Variants in PTPRM observed in about 807,000 individuals in gnomAD.
The protein encoded by PTPRM is receptor-type tyrosine-protein phosphatase mu.
PTPRM carries 47 observed loss-of-function variants against 186.7 expected under a neutral mutation model. That is an observed-to-expected ratio of 0.25 (90% confidence interval 0.20 to 0.32). The LOEUF (loss-of-function observed/expected upper bound fraction) is 0.32, where lower values mean the gene tolerates loss of function less well. Ranked by LOEUF, PTPRM falls within the 10% of genes least tolerant of loss-of-function variation. PTPRM has a pLI of 1.00. For missense variants in PTPRM, 1,494 were observed against 1,865.0 expected (o/e 0.80, Z 3.66); for synonymous variants, 668 against 674.9 (o/e 0.99, Z 0.16).
intron 1 of PTPRM, among the ~76,000 whole-genome samples, chr18:7,729,463 T>G (rs533115827): frequency 1.4e-3 from 215 of 152,292 alleles, no homozygotes; most frequent in Non-Finnish European, 2.6e-3. Context: ...CCTGGCTCTT[T>G]TAATTTTCTG....
chr18:7,926,529 C>A (rs372955736), intron 4 of PTPRM, 39 bp from the exon 5 acceptor site: 4 of 1,501,548 alleles, frequency 2.7e-6, no homozygotes, highest in Non-Finnish European at 2.7e-6. Flanking sequence ...AGTTACAAAT[C>A]TCCACTTTTA....
At chr18:8,124,977 G>A (rs1472126825) in intron 13 of PTPRM, among the ~76,000 whole-genome samples, 1 of 152,052 alleles carries the variant, frequency 6.6e-6, no homozygotes, top group Non-Finnish European at 1.5e-5. Context: ...CTGGTACGTG[G>A]TGCTTGCTGG....
intron 31 of PTPRM, among the ~76,000 whole-genome samples, chr18:8,390,700 G>A (rs768854474): frequency 5.1e-4 from 78 of 152,112 alleles, no homozygotes; most frequent in Non-Finnish European, 1.0e-3. Flanking sequence ...AGGCTGAGGC[G>A]GGTGGATCAC....
At chr18:8,375,664 C>T (rs997727998) in intron 24 of PTPRM, among the ~76,000 whole-genome samples, 1 of 152,186 alleles carries the variant, frequency 6.6e-6, no homozygotes, top group African/African-American at 2.4e-5. Flanking sequence ...CTTCAGGCCC[C>T]TCTTCTGTGC....
chr18:8,012,364 C>G (rs1339062687), intron 7 of PTPRM, among the ~76,000 whole-genome samples: 2 of 152,186 alleles, frequency 1.3e-5, no homozygotes, highest in Admixed American at 1.3e-4. Context: ...AGATTTTCTC[C>G]AGAATGGTAA....
At chr18:7,661,686 A>G (rs1333300183) in intron 1 of PTPRM, among the ~76,000 whole-genome samples, 1 of 152,192 alleles carries the variant, frequency 6.6e-6, no homozygotes, top group Non-Finnish European at 1.5e-5. Flanking sequence ...TTCTGCTACA[A>G]ACATGCAACT....
intron 7 of PTPRM, among the ~76,000 whole-genome samples, chr18:8,014,651 T>C (rs1450517853): frequency 2.6e-5 from 4 of 152,210 alleles, no homozygotes; most frequent in Non-Finnish European, 4.4e-5. Context: ...GAAATTGTGT[T>C]CTGTCTGAAA....
intron 14 of PTPRM, among the ~76,000 whole-genome samples, chr18:8,208,585 C>T: frequency 6.6e-6 from 1 of 151,812 alleles, no homozygotes; most frequent in East Asian, 1.9e-4. Flanking sequence ...CATCATAGTT[C>T]ACTGCAGTCT....
chr18:8,196,996 G>A (rs185092852), intron 14 of PTPRM, among the ~76,000 whole-genome samples: 15 of 152,314 alleles, frequency 9.8e-5, no homozygotes, highest in Admixed American at 3.9e-4. Flanking sequence ...CCAATTGGGA[G>A]TGTATTATGT....
intron 4 of PTPRM, among the ~76,000 whole-genome samples, chr18:7,923,743 G>A (rs2051006665): frequency 1.3e-5 from 2 of 152,154 alleles, no homozygotes; most frequent in Non-Finnish European, 2.9e-5. Context: ...CCTTACAGGG[G>A]AGTTAATGGC....
At chr18:8,356,971 G>C (rs866365921) in intron 23 of PTPRM, among the ~76,000 whole-genome samples, 5 of 152,194 alleles carry the variant, frequency 3.3e-5, no homozygotes, top group African/African-American at 1.2e-4. Flanking sequence ...ACATTTTGGT[G>C]ACGGGATCCA....
rs1370933558 is a variant in PTPRM at position 7,842,945 on chromosome 18, TATAG to T, written c.197-45159_197-45156del. 5.1e-3 allele frequency among the ~76,000 whole-genome samples: 589 copies of T among 115,088 alleles called. 5 individuals are homozygous for T. The highest frequency in any genetic ancestry group is 6.6e-3 in the Non-Finnish European group (395 of 59,460). 75.5% of individuals were successfully genotyped at this position (115,088 alleles called of 152,430 possible). A position where few individuals can be genotyped will look rare whatever the true frequency, so the allele number is the denominator to read the frequency against. On this transcript the variant is annotated intron_variant, in intron 2 of 32. Transcript: ENST00000580170. ...GTGTGTGTGTGTATATATATATATATATAGAGAGAGAGAGAGAGAGAGAGAGAGA... is the reference window on the plus strand; with the variant it reads ...GTGTGTGTGTGTATATATATATATATAGAGAGAGAGAGAGAGAGAGAGAGA...
At position 8,238,894 on chromosome 18, in the gene PTPRM, T is replaced by C. The variant is rs2094382687; in HGVS notation, c.2301-5164T>C. Reference sequence around the variant, plus strand: ...GTTAGTTGGGATAGGATGGCTAACGTGGGATGGAGTTGTATTTCTTCCCCC... The same window carrying C: ...GTTAGTTGGGATAGGATGGCTAACGCGGGATGGAGTTGTATTTCTTCCCCC... On this transcript the variant is annotated intron_variant, in intron 14 of 32. Coordinates refer to ENST00000580170, the MANE Select transcript of PTPRM (RefSeq NM_001105244.2). 2.0e-5 allele frequency among the ~76,000 whole-genome samples: 3 copies of C among 151,724 alleles called. 1 individual carries two copies. The highest frequency in any genetic ancestry group is 7.2e-5 in the African/African-American group (3 of 41,426).
chr18:8,358,768 C>T (rs918621866), intron 23 of PTPRM, among the ~76,000 whole-genome samples: 2 of 152,120 alleles, frequency 1.3e-5, no homozygotes, highest in Admixed American at 6.5e-5. Context: ...AGCAGAACCC[C>T]GAAAGGCTGG....
chr18:8,385,864 C>T (rs770143958), intron 30 of PTPRM, among the ~76,000 whole-genome samples: 3 of 152,042 alleles, frequency 2.0e-5, no homozygotes, highest in African/African-American at 7.2e-5. Flanking sequence ...TAATAATCCC[C>T]GTGAGAAATG....
intron 1 of PTPRM, among the ~76,000 whole-genome samples, chr18:7,772,378 T>G (rs926684660): frequency 1.7e-3 from 232 of 137,240 alleles, no homozygotes; most frequent in Middle Eastern, 3.6e-3. Context: ...TTTCTTTCTT[T>G]CTTTCTTTCT....
intron 23 of PTPRM, among the ~76,000 whole-genome samples, chr18:8,349,211 C>G (rs1404993267): frequency 2.0e-5 from 3 of 152,286 alleles, no homozygotes; most frequent in African/African-American, 7.2e-5. Context: ...AATGAGGAAG[C>G]AAGAGAGAGG....
intron 20 of PTPRM, among the ~76,000 whole-genome samples, chr18:8,304,454 A>C (rs2147948904): frequency 6.6e-6 from 1 of 152,260 alleles, no homozygotes; most frequent in East Asian, 1.9e-4. Flanking sequence ...TTTCTTACCC[A>C]AAAATATCTG....
chr18:7,750,246 G>A (rs569760179), intron 1 of PTPRM, among the ~76,000 whole-genome samples: 3 of 151,966 alleles, frequency 2.0e-5, no homozygotes, highest in Non-Finnish European at 4.4e-5. Context: ...TCCTCTTTTC[G>A]CTTTTACATT....
Sources: allele counts gnomAD v4.1 joint callset (sites outside exome capture counted in the v4.1 genomes callset), GRCh38; gene constraint gnomAD v4.1.1; transcripts MANE v1.5; gene names NCBI Gene and HGNC (gene_info 2026-07-23, HGNC 2026-07-21).